The following ZNF644 variants were observed in gnomAD, a reference collection of about 807,000 sequenced individuals.
ZNF644 encodes the protein zinc finger motif enhancer binding protein 2.
In ZNF644, 20 loss-of-function variants were observed where a neutral mutation model predicts 108.0. The ratio of observed to expected loss-of-function variants is 0.19; its 90% CI spans 0.13 to 0.27. The LOEUF (loss-of-function observed/expected upper bound fraction) is 0.27. ZNF644 is among the 10% of genes least tolerant of loss of function. The pLI is 1.00. For synonymous variants in ZNF644, 542 were observed against 539.1 expected (o/e 1.01, Z -0.08); for missense variants, 1,338 against 1,548.9 (o/e 0.86, Z 2.29).
intron 1 of ZNF644, among the ~76,000 whole-genome samples, chr1:91,006,650 C>A (rs1204854568): frequency 6.6e-6 from 1 of 152,010 alleles, no homozygotes; most frequent in Non-Finnish European, 1.5e-5. Context: ...TAAAGACATG[C>A]CATCTAGATC....
intron 2 of ZNF644, among the ~76,000 whole-genome samples, chr1:90,967,385 G>A (rs1202172007): frequency 4.6e-5 from 7 of 152,100 alleles, no homozygotes; most frequent in African/African-American, 9.7e-5. Flanking sequence ...CTTACAGAAC[G>A]GTTCCTTTCA....
chr1:91,003,916 A>G (rs1223182438), intron 1 of ZNF644, among the ~76,000 whole-genome samples: 1 of 152,144 alleles, frequency 6.6e-6, no homozygotes, highest in Admixed American at 6.5e-5. Flanking sequence ...ATGAGAAAAA[A>G]ACAAATTGTA....
chr1:90,974,698 A>T (rs1014298711), intron 2 of ZNF644, among the ~76,000 whole-genome samples: 2 of 152,182 alleles, frequency 1.3e-5, no homozygotes, highest in Admixed American at 1.3e-4. Context: ...AAGTCAGGCC[A>T]GCATGCTCCC....
intron 2 of ZNF644, among the ~76,000 whole-genome samples, chr1:90,953,097 C>G (rs1343225903): frequency 6.6e-6 from 1 of 151,396 alleles, no homozygotes; most frequent in Non-Finnish European, 1.5e-5. Context: ...CACAACGTTG[C>G]CTTAAGAAAA....
chr1:91,018,375 T>TA (rs1269538811), intron 1 of ZNF644, among the ~76,000 whole-genome samples: 1 of 152,194 alleles, frequency 6.6e-6, no homozygotes, highest in African/African-American at 2.4e-5. Context: ...CTTTACTCAA[T>TA]ATTTACAGAT....
At chr1:90,966,213 C>A (rs1654862570) in intron 2 of ZNF644, among the ~76,000 whole-genome samples, 2 of 152,142 alleles carry the variant, frequency 1.3e-5, no homozygotes, top group Admixed American at 1.3e-4. Context: ...CTTCGTAGAC[C>A]ATCCAAAATA....
At chr1:90,941,420 A>G in intron 2 of ZNF644, 111 bp from the exon 3 acceptor site, 2 of 941,528 alleles carry the variant, frequency 2.1e-6, no homozygotes, top group South Asian at 3.6e-5. Flanking sequence ...TACTCTTTAT[A>G]TTGAGATTCT....
intron 2 of ZNF644, among the ~76,000 whole-genome samples, chr1:90,958,178 G>A (rs1653939426): frequency 2.3e-5 from 3 of 128,918 alleles, no homozygotes; most frequent in African/African-American, 8.7e-5. Context: ...TGAGGTTGCA[G>A]TAAGCTGAAA....
chr1:90,938,294 T>C lies in ZNF644; in HGVS notation c.3060A>G (p.Thr1020=), dbSNP rs199755427. The part of the protein sequence containing the change: ...MQHFKRTGTG[T]PVKRVRKAIE... The stretch of plus-strand genomic sequence containing the variant: ...TACCTTTTCTAACTCGTTTAACAGG[T>C]GTTCCTGTGCCAGTTCTTTTGAAAT... The change falls in exon 3 of 6, where the codon ACA becomes ACG. Residue 1020 remains threonine, a synonymous_variant. Coordinates refer to ENST00000337393, the MANE Select transcript of ZNF644 (RefSeq NM_201269.3). The surrounding 1 kb of genome is among the most constrained non-coding windows in gnomAD (Gnocchi z 4.2). The C allele has an allele frequency of 1.7e-5, 27 of 1,613,920 alleles. No individual in the cohort carries two copies. The highest frequency in any genetic ancestry group is 8.3e-5 in the Admixed American group (5 of 59,984).
chr1:90,924,749 A>AT lies in ZNF644; in HGVS notation c.3689-6596dup, dbSNP rs541920119. On this transcript the variant is annotated intron_variant, in intron 4 of 5. Transcript: ENST00000337393. ...TAACCAAACATGGTATTGATCAGAT[A>AT]TTTTCTGTTTTAGCCAACTTCCAGC... 1.3e-3 allele frequency among the ~76,000 whole-genome samples: 194 copies of AT among 152,146 alleles called. 1 individual carries two copies. The highest frequency in any genetic ancestry group is 4.5e-3 in the African/African-American group (186 of 41,530).
Position 90,937,885 on chromosome 1 carries a change from C to A in ZNF644, c.3288G>T (p.Leu1096Phe), listed in dbSNP as rs761648720. 3 of 1,613,816 alleles carry A rather than the reference C, an allele frequency of 1.9e-6. No individual in the cohort carries two copies. The highest frequency in any genetic ancestry group is 3.3e-5 in the Admixed American group (2 of 59,996). The change falls in exon 4 of 6, where the codon TTG (leucine) becomes TTT (phenylalanine). Residue 1096 changes from leucine (L) to phenylalanine (F), a missense_variant. Leu to Phe is a conservative substitution (Grantham distance 22, BLOSUM62 0). This residue lies in a region of ZNF644 where 287 missense variants were observed against 310.9 expected (regional missense o/e 0.92). Transcript: ENST00000337393. ...EEKYEKILKA[L>F]NSRRIIPRPF... ...GTCTGGGAATAATACGACGACTGTT[C>A]AATGCCTTTAAGATTTTTTCATATT...
At chr1:90,992,054 T>C (rs10157553) in intron 1 of ZNF644, among the ~76,000 whole-genome samples, 18,454 of 151,508 alleles carry the variant, frequency 0.12, 1,153 homozygotes, top group South Asian at 0.16. Context: ...ACAAAAAGAG[T>C]ACATACTGCA....
intron 1 of ZNF644, among the ~76,000 whole-genome samples, chr1:90,987,872 A>C (rs655708): frequency 0.13 from 20,171 of 152,146 alleles, 1,392 homozygotes; most frequent in South Asian, 0.16. Context: ...AAGGACAATT[A>C]AACATATGAA....
chr1:90,971,465 G>A (rs1655471180), intron 2 of ZNF644, among the ~76,000 whole-genome samples: 1 of 152,026 alleles, frequency 6.6e-6, no homozygotes. Flanking sequence ...ATGTCACCCA[G>A]GCTGAAGTGC....
intron 1 of ZNF644, among the ~76,000 whole-genome samples, chr1:91,018,334 G>C (rs1660602672): frequency 6.6e-6 from 1 of 152,106 alleles, no homozygotes; most frequent in Non-Finnish European, 1.5e-5. Context: ...ACCACTTCTA[G>C]AACTGCTTCA....
At chr1:90,932,804 T>A (rs192873602) in intron 4 of ZNF644, among the ~76,000 whole-genome samples, 1 of 152,230 alleles carries the variant, frequency 6.6e-6, no homozygotes, top group Admixed American at 6.5e-5. Flanking sequence ...GTTTCAGAAT[T>A]TCCAAGAAAA....
intron 2 of ZNF644, among the ~76,000 whole-genome samples, chr1:90,980,374 T>C (rs1175525960): frequency 6.6e-6 from 1 of 152,172 alleles, no homozygotes; most frequent in Admixed American, 6.5e-5. Context: ...ATATGAAACA[T>C]CATACTTAGT....
chr1:90,918,870 ATC>A (rs1649104948), intron 4 of ZNF644, among the ~76,000 whole-genome samples: 1 of 152,138 alleles, frequency 6.6e-6, no homozygotes, highest in Admixed American at 6.5e-5. Flanking sequence ...AATCCATATT[ATC>A]TCACGTAAGT....
intron 2 of ZNF644, among the ~76,000 whole-genome samples, chr1:90,963,250 C>G (rs1654513191): frequency 6.6e-6 from 1 of 151,966 alleles, no homozygotes; most frequent in Non-Finnish European, 1.5e-5. Flanking sequence ...CCCAAACAAC[C>G]AGTACATTTA....
Sources: gnomAD v4.1 joint callset for allele counts (sites outside exome capture counted in the v4.1 genomes callset) on GRCh38, gnomAD v4.1.1 for gene constraint, gnomAD v4.1.1 regional missense constraint, Gnocchi (gnomAD v3.1) non-coding constraint, MANE v1.5 for transcripts, NCBI Gene and HGNC (gene_info 2026-07-23, HGNC 2026-07-21) for gene names.